GDA: variants seen among roughly 807,000 people sequenced by gnomAD.
GDA encodes the protein cytoplasmic PSD-95 interactor.
In GDA, 18 loss-of-function variants were observed where a neutral mutation model predicts 59.6. The ratio of observed to expected loss-of-function variants is 0.30; its 90% CI spans 0.21 to 0.45. GDA has a LOEUF of 0.45. Ranked by LOEUF, GDA falls within the 20% of genes least tolerant of loss-of-function variation. The probability of loss-of-function intolerance (pLI) is 1.00; values close to 1 mark genes in which losing one functional copy is unlikely to be tolerated. For missense variants in GDA, 427 were observed against 552.3 expected (o/e 0.77, Z 2.27); for synonymous variants, 201 against 201.1 (o/e 1.00, Z 0.00).
At chr9:72,226,001 G>C (rs1375856400) in intron 8 of GDA, among the ~76,000 whole-genome samples, 2 of 150,536 alleles carry the variant, frequency 1.3e-5, no homozygotes, top group African/African-American at 5.0e-5. Context: ...GTGTGTGTGT[G>C]TGTGTGTGTG....
At chr9:72,149,933 C>T (rs571743640) in intron 1 of GDA, among the ~76,000 whole-genome samples, 1 of 152,320 alleles carries the variant, frequency 6.6e-6, no homozygotes, top group African/African-American at 2.4e-5. Flanking sequence ...GACAGCAGTC[C>T]GGGCTGCGGT....
At chr9:72,209,794 A>G (rs72727238) in intron 3 of GDA, among the ~76,000 whole-genome samples, 13,367 of 152,178 alleles carry the variant, frequency 0.088, 676 homozygotes, top group Middle Eastern at 0.13. Flanking sequence ...CTGTGAAGAC[A>G]TCTTTCTTTT....
chr9:72,230,108 TAG>T (rs1838148423), intron 9 of GDA, among the ~76,000 whole-genome samples: 1 of 152,190 alleles, frequency 6.6e-6, no homozygotes, highest in African/African-American at 2.4e-5. Context: ...CTTTCAAAAT[TAG>T]AGTTATGTGC....
chr9:72,191,257 G>A (rs1197885901), intron 1 of GDA, among the ~76,000 whole-genome samples: 1 of 152,178 alleles, frequency 6.6e-6, no homozygotes, highest in African/African-American at 2.4e-5. Context: ...TCCATCTACT[G>A]TGCTGCGTGC....
chr9:72,139,068 T>C (rs1357211986), intron 1 of GDA, among the ~76,000 whole-genome samples: 11 of 152,234 alleles, frequency 7.2e-5, no homozygotes. Context: ...TCTAAAAATA[T>C]GGACAAGGCA....
intron 1 of GDA, among the ~76,000 whole-genome samples, chr9:72,153,109 G>A (rs909868445): frequency 7.5e-4 from 114 of 152,172 alleles, no homozygotes; most frequent in African/African-American, 2.6e-3. Flanking sequence ...GTAGATAGGC[G>A]GCATTATTTC....
intron 1 of GDA, among the ~76,000 whole-genome samples, chr9:72,164,721 C>T (rs1040349487): frequency 2.6e-5 from 4 of 151,110 alleles, no homozygotes; most frequent in South Asian, 2.1e-4. Context: ...CAGTGGCTCA[C>T]GCCTGTAATC....
At chr9:72,211,409 AT>A (rs1365686698) in intron 4 of GDA, among the ~76,000 whole-genome samples, 3 of 152,272 alleles carry the variant, frequency 2.0e-5, no homozygotes, top group Admixed American at 6.5e-5. Flanking sequence ...GATAAGTAAC[AT>A]GCCCAGGGTT....
chr9:72,132,132 A>G (rs1382680100), intron 1 of GDA, among the ~76,000 whole-genome samples: 1 of 152,182 alleles, frequency 6.6e-6, no homozygotes, highest in Non-Finnish European at 1.5e-5. Flanking sequence ...CCTGTGACAC[A>G]TGGGAATTGT....
chr9:72,250,397 G>A lies in GDA; in HGVS notation c.*2055G>A. ...ATAAGTGTAGCATCAGAAGCAGTAG[G>A]AATGGCCGTATACAACCATCCTGTT... On this transcript the variant is annotated 3_prime_UTR_variant, in exon 14 of 14. Coordinates refer to ENST00000358399, the MANE Select transcript of GDA (RefSeq NM_004293.5). The A allele has an allele frequency of 1.8e-6, 2 of 1,140,802 alleles. No individual in the cohort carries two copies. Among genetic ancestry groups the A allele is most frequent in the Non-Finnish European group, 2.2e-6 (2 of 925,040 alleles). 70.7% of individuals were successfully genotyped at this position (1,140,802 alleles called of 1,614,324 possible). A position where few individuals can be genotyped will look rare whatever the true frequency, so the allele number is the denominator to read the frequency against.
At chr9:72,120,651 T>C (rs1237018597) in intron 1 of GDA, among the ~76,000 whole-genome samples, 1 of 152,230 alleles carries the variant, frequency 6.6e-6, no homozygotes, top group Non-Finnish European at 1.5e-5. Flanking sequence ...GCATAAAATG[T>C]GACATTGTTA....
intron 10 of GDA, among the ~76,000 whole-genome samples, chr9:72,232,655 T>G (rs981751448): frequency 6.6e-6 from 1 of 152,208 alleles, no homozygotes; most frequent in African/African-American, 2.4e-5. Context: ...TATTCTAGGA[T>G]TTTGGTCTCC....
intron 1 of GDA, among the ~76,000 whole-genome samples, chr9:72,185,781 C>A (rs1051631996): frequency 2.0e-5 from 3 of 152,158 alleles, no homozygotes; most frequent in Non-Finnish European, 2.9e-5. Context: ...CTGTATCTTG[C>A]AGCAGTTTTT....
In GDA at chr9:72,249,836, C is replaced by CA. The variant is rs1390565970; in HGVS notation, c.*1501dup. 7.3e-6 allele frequency: 7 copies of CA among 953,820 alleles called. No homozygotes were observed. Among genetic ancestry groups the CA allele is most frequent in the African/African-American group, 7.1e-5 (4 of 56,594 alleles). The allele number at this position is 953,820 out of a possible 1,614,324, so 59.1% of individuals were successfully genotyped here. On this transcript the variant is annotated 3_prime_UTR_variant, in exon 14 of 14. Transcript: ENST00000358399. ...TATAGCTAACTCCGTATTTACAGAA[C>CA]AAAAAAACACAGTTCCCCCTCCTGT...
At chr9:72,191,454 A>G (rs1442377516) in intron 1 of GDA, among the ~76,000 whole-genome samples, 4 of 151,766 alleles carry the variant, frequency 2.6e-5, no homozygotes, top group Non-Finnish European at 5.9e-5. Flanking sequence ...AAGTACAGGG[A>G]GAAAGTAAAG....
At chr9:72,207,165 T>C (rs1009727211) in intron 3 of GDA, among the ~76,000 whole-genome samples, 18 of 152,206 alleles carry the variant, frequency 1.2e-4, no homozygotes, top group African/African-American at 4.1e-4. Context: ...TTCTCTTTAA[T>C]ACATAGTTCT....
intron 1 of GDA, among the ~76,000 whole-genome samples, chr9:72,125,018 C>T (rs1184091226): frequency 7.2e-5 from 11 of 152,166 alleles, no homozygotes; most frequent in African/African-American, 2.6e-4. Context: ...TTAGGGCTGC[C>T]GATATTTTAT....
intron 12 of GDA, 121 bp downstream of exon 12, chr9:72,245,399 G>T: frequency 1.5e-6 from 1 of 688,506 alleles, no homozygotes; most frequent in Non-Finnish European, 2.6e-6. Context: ...TCTTAAAATG[G>T]ACGCTAGAGC....
At chr9:72,229,946 C>T (rs1437364134) in intron 9 of GDA, among the ~76,000 whole-genome samples, 3 of 152,132 alleles carry the variant, frequency 2.0e-5, no homozygotes, top group Admixed American at 6.5e-5. Context: ...GGATTTAACA[C>T]CCATTGGGTG....
Sources: allele counts gnomAD v4.1 joint callset (sites outside exome capture counted in the v4.1 genomes callset), GRCh38; gene constraint gnomAD v4.1.1; transcripts MANE v1.5; gene names NCBI Gene and HGNC (gene_info 2026-07-23, HGNC 2026-07-21).